TESK2: variants seen among roughly 807,000 people sequenced by gnomAD.
The protein encoded by TESK2 is testis associated actin remodelling kinase 2.
TESK2 carries 39 observed loss-of-function variants against 57.1 expected under a neutral mutation model. That is an observed-to-expected ratio of 0.68 (90% confidence interval 0.53 to 0.89). The LOEUF (loss-of-function observed/expected upper bound fraction) is 0.89. TESK2 is among the 40% of genes least tolerant of loss of function. The pLI is 0.00. For missense variants in TESK2, 646 were observed against 732.1 expected (o/e 0.88, Z 1.36); for synonymous variants, 249 against 267.9 (o/e 0.93, Z 0.69).
At chr1:45,355,084 G>A (rs1260337609) in intron 5 of TESK2, among the ~76,000 whole-genome samples, 4 of 151,888 alleles carry the variant, frequency 2.6e-5, no homozygotes, top group South Asian at 2.1e-4. Flanking sequence ...ACTGAGGCAC[G>A]AGAGTCGTTG....
intron 4 of TESK2, among the ~76,000 whole-genome samples, chr1:45,375,705 C>T (rs1648392268): frequency 6.6e-6 from 1 of 151,962 alleles, no homozygotes; most frequent in Non-Finnish European, 1.5e-5. Flanking sequence ...GCCTGGGCAA[C>T]ACAGCAAGAC....
intron 1 of TESK2, among the ~76,000 whole-genome samples, chr1:45,477,725 A>G (rs1387198836): frequency 6.6e-6 from 1 of 152,214 alleles, no homozygotes; most frequent in African/African-American, 2.4e-5. Flanking sequence ...AAAATCTTCA[A>G]TGATATCTGT....
intron 1 of TESK2, among the ~76,000 whole-genome samples, chr1:45,461,231 G>T (rs1029855019): frequency 6.6e-6 from 1 of 151,780 alleles, no homozygotes; most frequent in Non-Finnish European, 1.5e-5. Context: ...GGCCAGGCAC[G>T]GTGGCTCACA....
intron 2 of TESK2, among the ~76,000 whole-genome samples, chr1:45,434,200 C>T (rs1315535991): frequency 2.0e-5 from 3 of 152,104 alleles, no homozygotes; most frequent in Non-Finnish European, 2.9e-5. Context: ...CACCATGCTG[C>T]CCAGGCTGGT....
Position 45,426,612 on chromosome 1 carries a change from G to A in TESK2, c.223-4766C>T, listed in dbSNP as rs187069306. 1.2e-4 allele frequency among the ~76,000 whole-genome samples: 19 copies of A among 152,206 alleles called. No homozygotes were observed. In the East Asian group the frequency reaches 2.1e-3, roughly 17 times the overall value. ...AAAATGGACAAATGGGATCACATCCGGTTAAAAAGCTTCTGCACAGCAAAT... is the reference window on the plus strand; with the variant it reads ...AAAATGGACAAATGGGATCACATCCAGTTAAAAAGCTTCTGCACAGCAAAT... On this transcript the variant is annotated intron_variant, in intron 2 of 10. Coordinates refer to ENST00000372086, the MANE Select transcript of TESK2 (RefSeq NM_007170.3).
intron 3 of TESK2, among the ~76,000 whole-genome samples, chr1:45,420,321 C>T (rs1199913709): frequency 6.6e-6 from 1 of 151,920 alleles, no homozygotes; most frequent in Non-Finnish European, 1.5e-5. Flanking sequence ...CTCACTGTAG[C>T]TGTGAACTAT....
intron 4 of TESK2, among the ~76,000 whole-genome samples, chr1:45,366,263 T>C (rs907454205): frequency 1.3e-5 from 2 of 152,084 alleles, no homozygotes; most frequent in Non-Finnish European, 2.9e-5. Context: ...ATTTTTGGTA[T>C]TTTTAGCAGA....
chr1:45,427,037 G>A lies in TESK2; in HGVS notation c.223-5191C>T, dbSNP rs190025012. On this transcript the variant is annotated intron_variant, in intron 2 of 10. Coordinates refer to ENST00000372086, the MANE Select transcript of TESK2 (RefSeq NM_007170.3). ...GGTGGAGGATTACCTGAGGTCGGGA[G>A]TTGGAGACCAGCCTGGCCAACATGG... Among the ~76,000 whole-genome samples, 593 of 152,218 alleles carry A rather than the reference G, an allele frequency of 3.9e-3. 6 individuals are homozygous for A. The highest frequency in any genetic ancestry group is 0.014 in the African/African-American group (569 of 41,512).
intron 2 of TESK2, among the ~76,000 whole-genome samples, chr1:45,449,321 C>T (rs371752840): frequency 2.6e-5 from 4 of 151,508 alleles, no homozygotes; most frequent in African/African-American, 4.8e-5. Context: ...TTTTACCATA[C>T]AGTCCACCAA....
At chr1:45,399,561 C>T (rs1026596086) in intron 3 of TESK2, among the ~76,000 whole-genome samples, 2 of 152,198 alleles carry the variant, frequency 1.3e-5, no homozygotes, top group South Asian at 2.1e-4. Flanking sequence ...GTAATCCGCC[C>T]GCCTTGGCCT....
At chr1:45,469,079 A>G (rs1354092866) in intron 1 of TESK2, among the ~76,000 whole-genome samples, 2 of 152,102 alleles carry the variant, frequency 1.3e-5, no homozygotes, top group Non-Finnish European at 2.9e-5. Context: ...TCAAATATTA[A>G]TTTCATTTAT....
At chr1:45,385,734 AT>A (rs1648867198) in intron 4 of TESK2, among the ~76,000 whole-genome samples, 177 bp downstream of exon 4, 1 of 149,480 alleles carries the variant, frequency 6.7e-6, no homozygotes, top group African/African-American at 2.5e-5. Flanking sequence ...ATATATATAT[AT>A]AAAGAAATAC....
chr1:45,383,608 A>G (rs1201360197), intron 4 of TESK2, among the ~76,000 whole-genome samples: 1 of 152,238 alleles, frequency 6.6e-6, no homozygotes, highest in Non-Finnish European at 1.5e-5. Flanking sequence ...CCTGCTTTAA[A>G]ATATGCAACT....
chr1:45,362,190 G>A (rs1647716234), intron 4 of TESK2, among the ~76,000 whole-genome samples: 1 of 152,152 alleles, frequency 6.6e-6, no homozygotes, highest in Non-Finnish European at 1.5e-5. Flanking sequence ...ATAAATTTTT[G>A]TTGTTTATAA....
At chr1:45,443,672 G>A (rs547391377) in intron 2 of TESK2, among the ~76,000 whole-genome samples, 1 of 150,484 alleles carries the variant, frequency 6.6e-6, no homozygotes, top group Admixed American at 6.6e-5. Context: ...TTGCTATCTA[G>A]GACAACTAAA....
intron 4 of TESK2, among the ~76,000 whole-genome samples, chr1:45,374,875 A>C (rs1051526875): frequency 2.0e-5 from 3 of 152,130 alleles, no homozygotes; most frequent in African/African-American, 7.2e-5. Flanking sequence ...TCAGGCCAAA[A>C]ACCTCAGAGT....
At chr1:45,452,389 A>C (rs1212918202) in intron 2 of TESK2, among the ~76,000 whole-genome samples, 2 of 152,206 alleles carry the variant, frequency 1.3e-5, no homozygotes, top group Admixed American at 1.3e-4. Flanking sequence ...TTCAAAAAAG[A>C]ATTACTATCA....
intron 4 of TESK2, among the ~76,000 whole-genome samples, chr1:45,378,212 T>C (rs1030346790): frequency 3.9e-5 from 6 of 152,116 alleles, no homozygotes; most frequent in East Asian, 3.9e-4. Context: ...AACAGATTTT[T>C]AAAAAACAGT....
At chr1:45,368,812 C>T (rs1158895378) in intron 4 of TESK2, among the ~76,000 whole-genome samples, 2 of 151,390 alleles carry the variant, frequency 1.3e-5, no homozygotes, top group African/African-American at 4.9e-5. Flanking sequence ...GCAATGGCGC[C>T]ATCTTGGCTC....
Sources: allele counts gnomAD v4.1 joint callset (sites outside exome capture counted in the v4.1 genomes callset), GRCh38; gene constraint gnomAD v4.1.1; transcripts MANE v1.5; gene names NCBI Gene and HGNC (gene_info 2026-07-23, HGNC 2026-07-21).